The following NIT1 variants were observed in gnomAD, a reference collection of about 807,000 sequenced individuals.
NIT1 encodes deaminated glutathione amidase.
NIT1 carries 30 observed loss-of-function variants against 36.8 expected under a neutral mutation model. The ratio of observed to expected loss-of-function variants is 0.82; its 90% CI spans 0.61 to 1.11. The LOEUF is 1.11. Among genes scored for constraint, NIT1 ranks in the 50% least tolerant of loss-of-function variants. The probability of loss-of-function intolerance (pLI) is 0.00; values close to 1 mark genes in which losing one functional copy is unlikely to be tolerated. For missense variants in NIT1, 438 were observed against 410.6 expected (o/e 1.07, Z -0.58); for synonymous variants, 151 against 155.6 (o/e 0.97, Z 0.22).
downstream of NIT1, chr1:161,124,085 C>T (rs1368631267): frequency 6.3e-7 from 1 of 1,584,386 alleles, no homozygotes; most frequent in Non-Finnish European, 8.6e-7. Context: ...TATGCTGCTC[C>T]TTCCTGGCCT....
chr1:161,123,986 C>T (rs370857448), downstream of NIT1: 2 of 1,605,478 alleles, frequency 1.2e-6, no homozygotes, highest in African/African-American at 2.7e-5. Context: ...AATATACACC[C>T]TTCCCTTCTG....
At position 161,119,755 on chromosome 1, in the gene NIT1, C is replaced by A. The variant is rs574490839; in HGVS notation, c.458-64C>A. ...GTTCCTAGCCTATAAACTATCTCCT[C>A]CTTGGGAGGAGTAAGCAAGGCTTCT... is the stretch of plus-strand genomic sequence containing the variant. On this transcript the variant is annotated intron_variant, in intron 4 of 6. Transcript: ENST00000368009. The A allele has an allele frequency of 1.1e-5, 17 of 1,576,234 alleles. No individual in the cohort carries two copies. The East Asian group carries it at 3.4e-4, about 31-fold the overall frequency.
rs577421537 is a variant in NIT1, at chr1:161,120,490, C to A, written c.718-9C>A. ...CATGTACTTAAGTGAACACACATCT[C>A]ATGCCCAGGTGTTGCTGCGGGCCCG... On this transcript the variant is annotated splice_polypyrimidine_tract_variant and intron_variant, in intron 6 of 6. Transcript: ENST00000368009. 6.2e-7 allele frequency: 1 copy of A among 1,612,696 alleles called. No individual in the cohort carries two copies. Among genetic ancestry groups the A allele is most frequent in the Non-Finnish European group, 8.5e-7 (1 of 1,179,050 alleles).
chr1:161,120,032 G>C, intron 5 of NIT1, 75 bp from the exon 6 acceptor site: 1 of 1,608,440 alleles, frequency 6.2e-7, no homozygotes, highest in Admixed American at 1.7e-5. Context: ...CTAAGAGAGG[G>C]GGTAATGGAA....
In NIT1 at chr1:161,120,441, C is replaced by T. The variant is rs192030602; in HGVS notation, c.718-58C>T. The T allele has an allele frequency of 1.6e-4, 245 of 1,572,840 alleles. No homozygotes were observed. In the African/African-American group the frequency reaches 2.9e-3, roughly 19 times the overall value. ...TAGATTGGTCTGTAATGTCCCTCAC[C>T]TGTCACTTCCCCACTATTTGCTACA... On this transcript the variant is annotated intron_variant, in intron 6 of 6. Transcript: ENST00000368009.
Position 161,119,286 on chromosome 1 carries a change from T to G in NIT1, c.251T>G (p.Leu84Arg), listed in dbSNP as rs768365021. 3 of 1,614,242 alleles carry G rather than the reference T, an allele frequency of 1.9e-6. No individual in the cohort carries two copies. ...AGACTGGGTGCCTGCCTGGCTTTCC[T>G]GCCTGAGGCATTTGACTTCATTGCA... ...AARLGACLAF[L>R]PEAFDFIARD... Residue 84 changes from leucine to arginine, a missense_variant, in exon 3 of 7, where the codon CTG (leucine) becomes CGG (arginine). Coordinates refer to ENST00000368009, the MANE Select transcript of NIT1 (RefSeq NM_005600.3).
chr1:161,120,239 T>C lies in NIT1; in HGVS notation c.717+7T>C. 6.2e-7 allele frequency: 1 copy of C among 1,613,842 alleles called. No homozygotes were observed. The highest frequency in any genetic ancestry group is 8.5e-7 in the Non-Finnish European group (1 of 1,179,898). ...AGGCCCAGCCCACTGGGAGGTAAGA[T>C]GATGCCTTTTTAAAACATAAGGGCC... On this transcript the variant is annotated splice_region_variant and intron_variant, in intron 6 of 6. Transcript: ENST00000368009.
intron 5 of NIT1, 77 bp from the exon 6 acceptor site, chr1:161,120,030 G>C: frequency 1.9e-6 from 3 of 1,608,054 alleles, no homozygotes; most frequent in Non-Finnish European, 2.6e-6. Flanking sequence ...CCCTAAGAGA[G>C]GGGGTAATGG....
downstream of NIT1, chr1:161,123,239 G>A (rs1471422585): frequency 1.9e-6 from 3 of 1,608,744 alleles, no homozygotes; most frequent in Non-Finnish European, 2.6e-6. Flanking sequence ...GAAAGTAAAA[G>A]GGAAGAAAAC....
In NIT1 at chr1:161,119,214, A is replaced by G. The variant is rs749943421; in HGVS notation, c.179A>G (p.Lys60Arg). Reference protein sequence around the residue: ...AVCQVTSTPDKQQNFKTCAEL... With the variant: ...AVCQVTSTPDRQQNFKTCAEL... ...TGCCAGGTAACATCGACGCCAGACA[A>G]GCAACAGAACTTTAAAACATGTGCT... Residue 60 changes from lysine to arginine, a missense_variant, in exon 3 of 7, where the codon AAG (lysine) becomes AGG (arginine). By Grantham distance (26) the Lys-to-Arg change is conservative. Coordinates refer to ENST00000368009, the MANE Select transcript of NIT1 (RefSeq NM_005600.3). 4 of 1,614,070 alleles carry G rather than the reference A, an allele frequency of 2.5e-6. No individual in the cohort carries two copies. In the South Asian group the frequency reaches 4.4e-5, roughly 18 times the overall value.
At chr1:161,122,943 C>T (rs1338265600), downstream of NIT1, 3 of 1,563,134 alleles carry the variant, frequency 1.9e-6, no homozygotes, top group Admixed American at 1.7e-5. The surrounding 1 kb of genome is among the most constrained non-coding windows in gnomAD (Gnocchi z 4.2). Flanking sequence ...GACACCAAAC[C>T]ATTCAGCCTC....
At chr1:161,118,420 A>G (rs1655062972) in intron 1 of NIT1, 5 of 1,535,060 alleles carry the variant, frequency 3.3e-6, no homozygotes, top group South Asian at 1.2e-5. Context: ...GAAAGGGGAA[A>G]TATGCTTCGA....
rs553155473 is a variant in NIT1 at position 161,118,154 on chromosome 1, C to T, written c.-23C>T. On this transcript the variant is annotated 5_prime_UTR_variant, in exon 1 of 7. Coordinates refer to ENST00000368009, the MANE Select transcript of NIT1 (RefSeq NM_005600.3). ...AGACCGCCCTCCGGATCGGACCCTG[C>T]GAATGGTTTTGGCTATATCTTCATG... The T allele has an allele frequency of 1.9e-6, 3 of 1,614,016 alleles. No homozygotes were observed. The highest frequency in any genetic ancestry group is 1.3e-5 in the African/African-American group (1 of 75,062).
At position 161,118,117 on chromosome 1, in the gene NIT1, G is replaced by A; in HGVS notation, c.-60G>A. 1.2e-6 allele frequency: 2 copies of A among 1,613,518 alleles called. No individual in the cohort carries two copies. The highest frequency in any genetic ancestry group is 1.1e-5 in the South Asian group (1 of 91,072). The stretch of plus-strand genomic sequence containing the variant: ...CGAGTTACCGCCCACTCGCTGCGGC[G>A]CTTCTGGCTCCAGACCGCCCTCCGG... On this transcript the variant is annotated 5_prime_UTR_variant, in exon 1 of 7. Transcript: ENST00000368009.
chr1:161,124,376 C>T, downstream of NIT1: 2 of 1,614,160 alleles, frequency 1.2e-6, no homozygotes, highest in Non-Finnish European at 1.7e-6. Context: ...CGATGTCAAA[C>T]ATGCGGTGCA....
Position 161,118,143 on chromosome 1 carries a change from A to C in NIT1, c.-34A>C. ...CTTCTGGCTCCAGACCGCCCTCCGG[A>C]TCGGACCCTGCGAATGGTTTTGGCT... On this transcript the variant is annotated 5_prime_UTR_variant, in exon 1 of 7. Coordinates refer to ENST00000368009, the MANE Select transcript of NIT1 (RefSeq NM_005600.3). 3.1e-6 allele frequency: 5 copies of C among 1,613,942 alleles called. No individual in the cohort carries two copies. Among genetic ancestry groups the C allele is most frequent in the South Asian group, 2.2e-5 (2 of 91,090 alleles).
rs749144819 is a variant in NIT1 at position 161,120,757 on chromosome 1, C to T, written c.976C>T (p.Leu326=). The change falls in exon 7 of 7, where the codon CTG becomes TTG. Residue 326 remains leucine, a synonymous_variant. Transcript: ENST00000368009. ...CCTCTATGGCAATCTGGGTCACCCA[C>T]TGTCTTAAGACTTGACTTCTGTGAG... ...PDLYGNLGHP[L]S 22 of 1,612,984 alleles carry T rather than the reference C, an allele frequency of 1.4e-5. 1 individual carries two copies. The highest frequency in any genetic ancestry group is 1.2e-4 in the South Asian group (11 of 91,076).
intron 1 of NIT1, 189 bp downstream of exon 1, chr1:161,118,367 T>C: frequency 1.1e-5 from 16 of 1,519,308 alleles, no homozygotes; most frequent in Non-Finnish European, 1.4e-5. Context: ...CAGGGAGGGG[T>C]GGGAGACGAG....
chr1:161,119,268 G>A lies in NIT1; in HGVS notation c.233G>A (p.Gly78Asp), dbSNP rs757702515. 11 of 1,614,104 alleles carry A rather than the reference G, an allele frequency of 6.8e-6. No homozygotes were observed. The South Asian group carries it at 1.1e-4, about 16-fold the overall frequency. ...CTGGTTCGAGAGGCTGCCAGACTGGGTGCCTGCCTGGCTTTCCTGCCTGAG... is the reference window on the plus strand; with the variant it reads ...CTGGTTCGAGAGGCTGCCAGACTGGATGCCTGCCTGGCTTTCCTGCCTGAG... ...AELVREAARL[G>D]ACLAFLPEAF... Residue 78 changes from glycine (G) to aspartate (D), a missense_variant, in exon 3 of 7, where the codon GGT becomes GAT. Transcript: ENST00000368009.
Sources: allele counts gnomAD v4.1 joint callset, GRCh38; gene constraint gnomAD v4.1.1; non-coding constraint Gnocchi (gnomAD v3.1); transcripts MANE v1.5; gene names NCBI Gene and HGNC (gene_info 2026-07-23, HGNC 2026-07-21).